BCAR3: variants seen among roughly 807,000 people sequenced by gnomAD.
The protein encoded by BCAR3 is breast cancer anti-estrogen resistance protein 3.
BCAR3 carries 37 observed loss-of-function variants against 80.1 expected under a neutral mutation model. The ratio of observed to expected loss-of-function variants is 0.46; its 90% CI spans 0.36 to 0.61. BCAR3 has a LOEUF of 0.61. BCAR3 is among the 20% of genes least tolerant of loss of function. The probability of loss-of-function intolerance (pLI) is 0.00; values close to 1 mark genes in which losing one functional copy is unlikely to be tolerated. For missense variants in BCAR3, 978 were observed against 1,068.2 expected, an observed-to-expected ratio of 0.92 and a Z score of 1.18; for synonymous variants, 389 against 418.9, an observed-to-expected ratio of 0.93 and a Z score of 0.87.
At chr1:93,605,819 A>G (rs75802712) in intron 3 of BCAR3, among the ~76,000 whole-genome samples, 1 of 152,370 alleles carries the variant, frequency 6.6e-6, no homozygotes, top group African/African-American at 2.4e-5. Context: ...AGAGTACTGA[A>G]TGAACAAAAT....
chr1:93,848,012 C>A, upstream of BCAR3: 1 of 173,964 alleles, frequency 5.7e-6, no homozygotes, highest in Non-Finnish European at 1.2e-5. Context: ...CACCCCCACG[C>A]CTTGAGCGGG....
At chr1:93,819,321 C>T (rs1654133728) in intron 2 of BCAR3, among the ~76,000 whole-genome samples, 1 of 152,230 alleles carries the variant, frequency 6.6e-6, no homozygotes, top group Non-Finnish European at 1.5e-5. Context: ...ACCTCGGCCT[C>T]CCGAAGTGCT....
At chr1:93,815,773 A>C (rs948939767) in intron 2 of BCAR3, among the ~76,000 whole-genome samples, 1 of 152,218 alleles carries the variant, frequency 6.6e-6, no homozygotes, top group Non-Finnish European at 1.5e-5. Context: ...CACGGAGAAC[A>C]TGTTTGAGCC....
chr1:93,827,092 A>T (rs1654398556), intron 2 of BCAR3, among the ~76,000 whole-genome samples: 1 of 152,190 alleles, frequency 6.6e-6, no homozygotes, highest in South Asian at 2.1e-4. Context: ...AGGGCCATAC[A>T]GGTACTTGAG....
rs1186732223 is a variant in BCAR3, at chr1:93,809,773, GATA to G, written c.-63+35791_-63+35793del. Among the ~76,000 whole-genome samples, 209 of 46,988 alleles carry G rather than the reference GATA, an allele frequency of 4.4e-3. 5 individuals are homozygous for G. The highest frequency in any genetic ancestry group is 0.015 in the African/African-American group (185 of 12,428). The allele number at this position is 46,988 out of a possible 152,430, so 30.8% of individuals were successfully genotyped here. On this transcript the variant is annotated intron_variant, in intron 2 of 13. Transcript: ENST00000370244. ...ACAGAGCAAGACTTCGTCTCAAAAA[GATA>G]AAAAAAAAAAAAAAAAAAAATCATT...
At chr1:93,679,593 ATAT>A (rs937350027) in intron 1 of BCAR3, among the ~76,000 whole-genome samples, 22 of 152,242 alleles carry the variant, frequency 1.4e-4, no homozygotes, top group African/African-American at 5.1e-4. Context: ...AGATTTTGAA[ATAT>A]TATACAAAAG....
rs1672702804 is a variant in BCAR3 at position 93,562,211 on chromosome 1, A to AAGAT, written c.*26_*29dup. 3 of 1,580,628 alleles carry AAGAT rather than the reference A, an allele frequency of 1.9e-6. No homozygotes were observed. The highest frequency in any genetic ancestry group is 2.6e-6 in the Non-Finnish European group (3 of 1,161,604). ...AAAGATGAAGCTGGGGAAACTTGAA[A>AAGAT]AGATATTCTAAAGGTTCTCTGGAGA... On this transcript the variant is annotated 3_prime_UTR_variant, in exon 12 of 12. Transcript: ENST00000260502.
chr1:93,676,410 G>A (rs1306208250), intron 1 of BCAR3, among the ~76,000 whole-genome samples: 1 of 152,210 alleles, frequency 6.6e-6, no homozygotes, highest in African/African-American at 2.4e-5. Flanking sequence ...TCCTGGGGGT[G>A]AGATGGAAGG....
intron 7 of BCAR3, among the ~76,000 whole-genome samples, 185 bp from the exon 8 acceptor site, chr1:93,576,314 G>C (rs1673455429): frequency 6.6e-6 from 1 of 152,198 alleles, no homozygotes; most frequent in Non-Finnish European, 1.5e-5. Context: ...AATACACATA[G>C]TACAGTATAA....
chr1:93,730,706 G>T (rs1227140724), intron 2 of BCAR3, among the ~76,000 whole-genome samples: 1 of 152,182 alleles, frequency 6.6e-6, no homozygotes, highest in Non-Finnish European at 1.5e-5. Flanking sequence ...AGTAAGTGCT[G>T]GAGGGAATGT....
At chr1:93,815,576 G>A (rs1653987512) in intron 2 of BCAR3, among the ~76,000 whole-genome samples, 1 of 152,064 alleles carries the variant, frequency 6.6e-6, no homozygotes. Context: ...GTAAGAGGTG[G>A]GGCTTCGCAA....
intron 3 of BCAR3, among the ~76,000 whole-genome samples, chr1:93,694,982 C>T (rs1649335715): frequency 6.6e-6 from 1 of 152,234 alleles, no homozygotes; most frequent in Admixed American, 6.5e-5. Context: ...TTGTTATTCC[C>T]TGGGACTGCT....
chr1:93,836,545 C>T (rs1318746871), intron 2 of BCAR3, among the ~76,000 whole-genome samples: 2 of 152,048 alleles, frequency 1.3e-5, no homozygotes, highest in Non-Finnish European at 2.9e-5. Flanking sequence ...GTTCCCACAC[C>T]ACCCCTAATC....
At chr1:93,774,029 C>T (rs1451246479) in intron 2 of BCAR3, among the ~76,000 whole-genome samples, 1 of 152,158 alleles carries the variant, frequency 6.6e-6, no homozygotes, top group African/African-American at 2.4e-5. Flanking sequence ...CTTTGTTGGT[C>T]CCTTTAAAGT....
intron 2 of BCAR3, among the ~76,000 whole-genome samples, chr1:93,820,371 C>A (rs1345702687): frequency 6.6e-6 from 1 of 151,968 alleles, no homozygotes; most frequent in Non-Finnish European, 1.5e-5. Context: ...ATAAAACTGA[C>A]CCCCACTTCA....
rs750587834 is a variant in BCAR3, at chr1:93,674,648, A to G, written c.283T>C (p.Trp95Arg). Reference protein sequence around the residue: ...VTQDGIQESPWQDRHGETFTF... With the variant: ...VTQDGIQESPRQDRHGETFTF... The stretch of plus-strand genomic sequence containing the variant: ...AAGGTTTCGCCGTGCCGGTCCTGCC[A>G]TGGGCTCTCCTGGATGCCATCCTGG... Residue 95 changes from tryptophan (W) to arginine (R), a missense_variant, in exon 2 of 12, where the codon TGG becomes CGG. Transcript: ENST00000260502. The G allele has an allele frequency of 1.2e-6, 2 of 1,614,000 alleles. No individual in the cohort carries two copies. Among genetic ancestry groups the G allele is most frequent in the South Asian group, 2.2e-5 (2 of 91,030 alleles).
At chr1:93,593,087 T>C (rs571152690) in intron 3 of BCAR3, among the ~76,000 whole-genome samples, 10 of 152,286 alleles carry the variant, frequency 6.6e-5, no homozygotes, top group African/African-American at 2.2e-4. Context: ...GTCTGCGGCG[T>C]TGCACAGTGG....
At chr1:93,575,861 G>T (rs747859354) in intron 8 of BCAR3, among the ~76,000 whole-genome samples, 153 bp downstream of exon 8, 3 of 152,200 alleles carry the variant, frequency 2.0e-5, no homozygotes, top group Non-Finnish European at 4.4e-5. Flanking sequence ...TCAGGCTCAG[G>T]CTTCTGGGAA....
chr1:93,676,378 G>T (rs780969849), intron 1 of BCAR3, among the ~76,000 whole-genome samples: 22 of 152,354 alleles, frequency 1.4e-4, no homozygotes, highest in Admixed American at 3.3e-4. Context: ...GCTTCCACAT[G>T]AGATAGGGGA....
Sources: gnomAD v4.1 joint callset for allele counts (sites outside exome capture counted in the v4.1 genomes callset) on GRCh38, gnomAD v4.1.1 for gene constraint, MANE v1.5 for transcripts, NCBI Gene and HGNC (gene_info 2026-07-23, HGNC 2026-07-21) for gene names.